POU6F2: variants seen among roughly 807,000 people sequenced by gnomAD.
POU6F2 encodes the protein POU domain, class 6, transcription factor 2.
POU6F2 carries 31 observed loss-of-function variants against 71.3 expected under a neutral mutation model. The observed-to-expected ratio is 0.43, with a 90% confidence interval of 0.33 to 0.59. The LOEUF is 0.59. Among genes scored for constraint, POU6F2 ranks in the 20% least tolerant of loss-of-function variants. The probability of loss-of-function intolerance (pLI) is 0.04; values close to 1 mark genes in which losing one functional copy is unlikely to be tolerated. For missense variants in POU6F2, 783 were observed against 856.8 expected (o/e 0.91, Z 1.07); for synonymous variants, 347 against 355.7 (o/e 0.98, Z 0.27).
chr7:39,242,901 G>A (rs1007351268), intron 4 of POU6F2, among the ~76,000 whole-genome samples: 4 of 152,082 alleles, frequency 2.6e-5, no homozygotes, highest in East Asian at 1.9e-4. Flanking sequence ...TGAGGAAACC[G>A]AAGTACAGAG....
chr7:39,222,779 A>G (rs1562753007), intron 4 of POU6F2, among the ~76,000 whole-genome samples: 1 of 152,210 alleles, frequency 6.6e-6, no homozygotes, highest in Non-Finnish European at 1.5e-5. Flanking sequence ...CATTGTATGT[A>G]TAGCTACTCA....
intron 5 of POU6F2, among the ~76,000 whole-genome samples, chr7:39,376,337 G>C (rs565071194): frequency 1.1e-4 from 17 of 152,264 alleles, no homozygotes; most frequent in African/African-American, 4.1e-4. Flanking sequence ...TTTTTTTCTG[G>C]TCTGCTAAAA....
intron 4 of POU6F2, among the ~76,000 whole-genome samples, chr7:39,241,462 G>C (rs1348645898): frequency 2.0e-5 from 3 of 152,174 alleles, no homozygotes; most frequent in African/African-American, 7.2e-5. Flanking sequence ...GTGCTGGTGT[G>C]GTGAAGGTGT....
At chr7:39,149,427 A>G (rs1792696870) in intron 2 of POU6F2, among the ~76,000 whole-genome samples, 1 of 152,204 alleles carries the variant, frequency 6.6e-6, no homozygotes, top group East Asian at 1.9e-4. Flanking sequence ...CGAAGTTTAC[A>G]ACTTGATGTT....
rs1789079328 is a variant in POU6F2 at position 39,466,728 on chromosome 7, T to G, written c.*2042T>G. ...CAAGAGACTACCAGCAAGGAAACTC[T>G]AAAAGGAATCCTGGAAGTGGAACAA... On this transcript the variant is annotated 3_prime_UTR_variant, in exon 10 of 10. Coordinates refer to ENST00000518318, the MANE Select transcript of POU6F2 (RefSeq NM_001370959.1). 2 of 152,224 alleles carry G rather than the reference T, an allele frequency of 1.3e-5. No individual in the cohort carries two copies. The highest frequency in any genetic ancestry group is 4.1e-4 in the South Asian group (2 of 4,830). 9.4% of individuals were successfully genotyped at this position (152,224 alleles called of 1,614,324 possible).
rs1789030863 is a variant in POU6F2, at chr7:39,464,761, A to G, written c.*75A>G. 3.5e-6 allele frequency: 5 copies of G among 1,429,262 alleles called. No homozygotes were observed. Among genetic ancestry groups the G allele is most frequent in the Non-Finnish European group, 4.6e-6 (5 of 1,078,620 alleles). The allele number at this position is 1,429,262 out of a possible 1,614,324, so 88.5% of individuals were successfully genotyped here. A position where few individuals can be genotyped will look rare whatever the true frequency, so the allele number is the denominator to read the frequency against. On this transcript the variant is annotated 3_prime_UTR_variant, in exon 10 of 10. Coordinates refer to ENST00000518318, the MANE Select transcript of POU6F2 (RefSeq NM_001370959.1). The surrounding 1 kb of genome is among the most constrained non-coding windows in gnomAD (Gnocchi z 4.1). ...ACCCTTGGGACTCCACAACAACAACAACAACAAAATTTAATTTAATTTAAA... is the reference window on the plus strand; with the variant it reads ...ACCCTTGGGACTCCACAACAACAACGACAACAAAATTTAATTTAATTTAAA...
In POU6F2 at chr7:39,065,079, A is replaced by C. The variant is rs962966740; in HGVS notation, c.106-20781A>C. On this transcript the variant is annotated intron_variant, in intron 1 of 9. Transcript: ENST00000518318. ...ATTTCAGATGTTTAATTTATATATT[A>C]GGCTCCCTTATAAACATAGAAGATA... Among the ~76,000 whole-genome samples the C allele has an allele frequency of 6.6e-5, 10 of 151,992 alleles. 1 individual carries two copies. The highest frequency in any genetic ancestry group is 6.2e-4 in the South Asian group (3 of 4,834).
At chr7:39,071,297 A>G (rs1447709249) in intron 1 of POU6F2, among the ~76,000 whole-genome samples, 1 of 151,884 alleles carries the variant, frequency 6.6e-6, no homozygotes, top group Non-Finnish European at 1.5e-5. Flanking sequence ...ACGAGAATCT[A>G]ATGCCACCAG....
At chr7:39,401,902 A>G (rs747802907) in intron 5 of POU6F2, among the ~76,000 whole-genome samples, 13 of 152,318 alleles carry the variant, frequency 8.5e-5, no homozygotes, top group African/African-American at 1.7e-4. Flanking sequence ...TGCTCCAAAG[A>G]AAGGTTTTGA....
At chr7:39,076,753 C>T (rs1272392923) in intron 1 of POU6F2, among the ~76,000 whole-genome samples, 1 of 152,088 alleles carries the variant, frequency 6.6e-6, no homozygotes, top group Admixed American at 6.5e-5. Flanking sequence ...GTCCTGGAGG[C>T]ACCTCTCTAA....
chr7:39,376,180 G>T (rs1786707163), intron 5 of POU6F2, among the ~76,000 whole-genome samples: 1 of 152,142 alleles, frequency 6.6e-6, no homozygotes, highest in Non-Finnish European at 1.5e-5. Flanking sequence ...CATTTTCAAT[G>T]TATTGCAAAT....
chr7:38,985,847 G>A (rs1272396911), intron 1 of POU6F2, among the ~76,000 whole-genome samples: 2 of 152,102 alleles, frequency 1.3e-5, no homozygotes, highest in Non-Finnish European at 2.9e-5. Context: ...TTCTGGGAAC[G>A]AAGGCTAATA....
chr7:39,081,323 TAA>T (rs1308552398), intron 1 of POU6F2, among the ~76,000 whole-genome samples: 1 of 152,184 alleles, frequency 6.6e-6, no homozygotes, highest in African/African-American at 2.4e-5. Context: ...TTAGATAATA[TAA>T]GAGTTATAAG....
At chr7:39,435,586 C>A (rs1040707152) in intron 7 of POU6F2, among the ~76,000 whole-genome samples, 1 of 152,152 alleles carries the variant, frequency 6.6e-6, no homozygotes, top group Non-Finnish European at 1.5e-5. Flanking sequence ...GTTGCCTGTT[C>A]ACTCTGATGC....
chr7:38,999,811 G>T lies in POU6F2; in HGVS notation c.105+21753G>T, dbSNP rs1384361865. On this transcript the variant is annotated intron_variant, in intron 1 of 9. Transcript: ENST00000518318. ...TTAGATTTATTATTGCTTTGTTGGGGCGTACCATTTAATTACATGTACATT... is the reference window on the plus strand; with the variant it reads ...TTAGATTTATTATTGCTTTGTTGGGTCGTACCATTTAATTACATGTACATT... 2.0e-5 allele frequency among the ~76,000 whole-genome samples: 3 copies of T among 152,198 alleles called. No individual in the cohort carries two copies. In the East Asian group the frequency reaches 5.8e-4, roughly 29 times the overall value.
intron 1 of POU6F2, chr7:38,984,835 A>C (rs966021637): frequency 6.6e-6 from 1 of 152,186 alleles, no homozygotes; most frequent in African/African-American, 2.4e-5. Flanking sequence ...TCTAACATCT[A>C]AAAACTTAGA....
At chr7:38,982,647 T>C (rs1207325553) in intron 1 of POU6F2, among the ~76,000 whole-genome samples, 1 of 152,084 alleles carries the variant, frequency 6.6e-6, no homozygotes, top group Non-Finnish European at 1.5e-5. Flanking sequence ...TTTAACAATA[T>C]AGTAATACTA....
rs752611585 is a variant in POU6F2, at chr7:39,406,634, C to T, written c.1007C>T (p.Ala336Val). The change falls in exon 6 of 10, where the codon GCG (alanine) becomes GTG (valine). Residue 336 changes from alanine to valine, a missense_variant. Physicochemically the swap from Ala to Val is moderately conservative, Grantham distance 64. Around this residue, in one of 2 missense-constraint regions of POU6F2, gnomAD observed 572 missense variants for 572.9 expected, o/e 1.00. Coordinates refer to ENST00000518318, the MANE Select transcript of POU6F2 (RefSeq NM_001370959.1). Reference sequence around the variant, plus strand: ...AATCCACTAGCAAGTCAGGCTGCAGCGGCTGCAGCAGCCATGAGCTCCATA... The same window carrying T: ...AATCCACTAGCAAGTCAGGCTGCAGTGGCTGCAGCAGCCATGAGCTCCATA... ...VNNPLASQAA[A>V]AAAAMSSIAS... 5 of 1,613,286 alleles carry T rather than the reference C, an allele frequency of 3.1e-6. No individual in the cohort carries two copies. The South Asian group carries it at 5.5e-5, about 18-fold the overall frequency.
intron 7 of POU6F2, among the ~76,000 whole-genome samples, chr7:39,439,302 C>T (rs1476728070): frequency 3.9e-5 from 6 of 152,060 alleles, no homozygotes; most frequent in Admixed American, 3.3e-4. Context: ...TGGGTCTTGA[C>T]TCTTTATCCA....
Sources: gnomAD v4.1 joint callset for allele counts (sites outside exome capture counted in the v4.1 genomes callset) on GRCh38, gnomAD v4.1.1 for gene constraint, gnomAD v4.1.1 regional missense constraint, Gnocchi (gnomAD v3.1) non-coding constraint, MANE v1.5 for transcripts, NCBI Gene and HGNC (gene_info 2026-07-23, HGNC 2026-07-21) for gene names.